GABRG1: variants seen among roughly 807,000 people sequenced by gnomAD.
The protein encoded by GABRG1 is gamma-aminobutyric acid receptor subunit gamma-1.
In GABRG1, 49 loss-of-function variants were observed where a neutral mutation model predicts 49.8. The ratio of observed to expected loss-of-function variants is 0.98; its 90% CI spans 0.78 to 1.25. The LOEUF is 1.25. Ranked by LOEUF, GABRG1 falls within the 50% of genes most tolerant of loss-of-function variation. The pLI, the probability that GABRG1 is intolerant of heterozygous loss-of-function variation, is 0.00. For missense variants in GABRG1, 552 were observed against 552.3 expected, an observed-to-expected ratio of 1.00 and a Z score of 0.01; for synonymous variants, 232 against 185.1, an observed-to-expected ratio of 1.25 and a Z score of -2.06.
chr4:46,054,655 T>TAGAAAGC (rs1718364828), intron 7 of GABRG1, among the ~76,000 whole-genome samples: 3 of 4,554 alleles, frequency 6.6e-4, no homozygotes, highest in East Asian at 6.4e-3. Flanking sequence ...TGTTTGTCTG[T>TAGAAAGC]TGTTGGTGTA....
At chr4:46,121,435 C>A (rs879653334) in intron 1 of GABRG1, among the ~76,000 whole-genome samples, 1 of 151,926 alleles carries the variant, frequency 6.6e-6, no homozygotes, top group Non-Finnish European at 1.5e-5. Context: ...AAAGAATGTT[C>A]ATTGCAACAT....
chr4:46,060,257 A>ATGTGTG (rs34820575), intron 5 of GABRG1, among the ~76,000 whole-genome samples: 3 of 149,388 alleles, frequency 2.0e-5, no homozygotes, highest in South Asian at 2.1e-4. Flanking sequence ...CGGTGGTTGT[A>ATGTGTG]TGTGTGTGTG....
At chr4:46,044,327 G>A (rs1221133852) in intron 8 of GABRG1, among the ~76,000 whole-genome samples, 2 of 151,736 alleles carry the variant, frequency 1.3e-5, no homozygotes, top group Non-Finnish European at 2.9e-5. Context: ...GGAAACAAAA[G>A]AAATTTATCT....
intron 1 of GABRG1, among the ~76,000 whole-genome samples, chr4:46,112,917 C>G (rs926590999): frequency 6.6e-6 from 1 of 150,846 alleles, no homozygotes; most frequent in African/African-American, 2.4e-5. Flanking sequence ...CACATGCATC[C>G]CTTGAATTTA....
chr4:46,118,072 GTGTA>G (rs571322251), intron 1 of GABRG1, among the ~76,000 whole-genome samples: 4 of 118,178 alleles, frequency 3.4e-5, no homozygotes, highest in African/African-American at 2.0e-4. Context: ...ACATATGTGT[GTGTA>G]TATATATACA....
chr4:46,078,024 A>C (rs6837791), intron 3 of GABRG1, among the ~76,000 whole-genome samples: 50 of 151,206 alleles, frequency 3.3e-4, no homozygotes, highest in African/African-American at 1.1e-3. Flanking sequence ...ATCAAAAGTA[A>C]CTAAATTTTT....
At chr4:46,094,752 A>T (rs920450024) in intron 2 of GABRG1, among the ~76,000 whole-genome samples, 1 of 151,982 alleles carries the variant, frequency 6.6e-6, no homozygotes, top group Non-Finnish European at 1.5e-5. Flanking sequence ...ACACCCCAAC[A>T]CCACAATCAA....
intron 1 of GABRG1, among the ~76,000 whole-genome samples, chr4:46,122,555 T>G (rs1721119616): frequency 6.6e-6 from 1 of 152,066 alleles, no homozygotes; most frequent in Non-Finnish European, 1.5e-5. Context: ...GAGAGAAAAC[T>G]TCAGTCCTAC....
At chr4:46,087,431 G>A (rs555177202) in intron 2 of GABRG1, among the ~76,000 whole-genome samples, 152 of 151,470 alleles carry the variant, frequency 1.0e-3, no homozygotes, top group African/African-American at 3.5e-3. Context: ...AGTTAAAATA[G>A]AAGTCATTAA....
At chr4:46,076,362 C>CATATATATATATATAT in intron 3 of GABRG1, among the ~76,000 whole-genome samples, 1 of 78,708 alleles carries the variant, frequency 1.3e-5, no homozygotes, top group Non-Finnish European at 2.3e-5. Flanking sequence ...AGGTCATGTT[C>CATATATATATATATAT]ATATATATAT....
chr4:46,110,543 A>G (rs993398216), intron 1 of GABRG1, among the ~76,000 whole-genome samples: 19 of 151,082 alleles, frequency 1.3e-4, no homozygotes, highest in African/African-American at 4.6e-4. Flanking sequence ...CCCACCAAAG[A>G]CAATGAAAAA....
intron 7 of GABRG1, among the ~76,000 whole-genome samples, chr4:46,055,961 G>A (rs1577635258): frequency 7.2e-5 from 1 of 13,958 alleles, no homozygotes; most frequent in East Asian, 1.4e-3. Flanking sequence ...GGTGGGGTCG[G>A]GGGGAGGGGG....
intron 3 of GABRG1, among the ~76,000 whole-genome samples, chr4:46,068,332 T>C (rs971245975): frequency 6.6e-6 from 1 of 152,168 alleles, no homozygotes; most frequent in African/African-American, 2.4e-5. Context: ...GCAGTTATAC[T>C]TAGCTGCAGT....
At chr4:46,043,907 G>A (rs1560346283) in intron 8 of GABRG1, among the ~76,000 whole-genome samples, 1 of 151,528 alleles carries the variant, frequency 6.6e-6, no homozygotes, top group Non-Finnish European at 1.5e-5. Context: ...AATGGGAAGT[G>A]ATAAATAAAT....
intron 1 of GABRG1, among the ~76,000 whole-genome samples, chr4:46,117,663 T>C (rs1325175926): frequency 6.9e-6 from 1 of 144,426 alleles, no homozygotes; most frequent in African/African-American, 2.5e-5. Flanking sequence ...TGTATATACG[T>C]ATATAGCTGT....
At chr4:46,090,975 C>T (rs1236133409) in intron 2 of GABRG1, among the ~76,000 whole-genome samples, 1 of 151,022 alleles carries the variant, frequency 6.6e-6, no homozygotes. Context: ...CACACACACA[C>T]ACACACACAC....
At position 46,036,847 on chromosome 4, in the gene GABRG1, G is replaced by A. The variant is rs137867343; in HGVS notation, c.*4141C>T. 8 of 151,946 alleles carry A rather than the reference G, an allele frequency of 5.3e-5. No homozygotes were observed. The East Asian group carries it at 9.7e-4, about 18-fold the overall frequency. 9.4% of individuals were successfully genotyped at this position (151,946 alleles called of 1,614,324 possible). A position where few individuals can be genotyped will look rare whatever the true frequency, so the allele number is the denominator to read the frequency against. ...ATCTCTGTGAACTTTTTATGACTTC[G>A]TAATTTCCCCTAGCCTCCTGAAGTC... On this transcript the variant is annotated 3_prime_UTR_variant, in exon 9 of 9. Transcript: ENST00000295452.
intron 2 of GABRG1, among the ~76,000 whole-genome samples, chr4:46,095,997 A>G (rs1466031283): frequency 1.3e-5 from 2 of 151,616 alleles, no homozygotes; most frequent in African/African-American, 2.4e-5. Flanking sequence ...AGTGTCTGTT[A>G]TTCCTTTCTT....
At chr4:46,117,762 A>G (rs1490968577) in intron 1 of GABRG1, among the ~76,000 whole-genome samples, 1 of 140,922 alleles carries the variant, frequency 7.1e-6, no homozygotes, top group Non-Finnish European at 1.5e-5. Context: ...ACATGTATAT[A>G]CATATACATA....
Sources: gnomAD v4.1 joint callset for allele counts (sites outside exome capture counted in the v4.1 genomes callset) on GRCh38, gnomAD v4.1.1 for gene constraint, MANE v1.5 for transcripts, NCBI Gene and HGNC (gene_info 2026-07-23, HGNC 2026-07-21) for gene names.